Variants in GNL1 observed in about 807,000 individuals in gnomAD.
GNL1 encodes the protein G protein nucleolar 1.
In GNL1, 21 loss-of-function variants were observed where a neutral mutation model predicts 75.2. That is an observed-to-expected ratio of 0.28 (90% CI 0.20 to 0.40). GNL1 has a LOEUF of 0.40. GNL1 is among the 10% of genes least tolerant of loss of function. The pLI is 1.00. For missense variants in GNL1, 579 were observed against 775.0 expected, an observed-to-expected ratio of 0.75 and a Z score of 3.00; for synonymous variants, 287 against 303.4, an observed-to-expected ratio of 0.95 and a Z score of 0.56.
At position 30,547,261 on chromosome 6, in the gene GNL1, A is replaced by G. The variant is rs1438700831; in HGVS notation, c.1292T>C (p.Ile431Thr). The G allele has an allele frequency of 6.3e-7, 1 of 1,596,416 alleles. No individual in the cohort carries two copies. Among genetic ancestry groups the G allele is most frequent in the Non-Finnish European group, 8.5e-7 (1 of 1,171,312 alleles). The change falls in exon 10 of 12, where the codon ATC becomes ACC. Residue 431 changes from isoleucine (I) to threonine (T), a missense_variant. Ile to Thr is a moderately conservative substitution (Grantham distance 89). Transcript: ENST00000376621. The surrounding 1 kb of genome is among the most constrained non-coding windows in gnomAD (Gnocchi z 5.5). The stretch of plus-strand genomic sequence containing the variant: ...CTCCTGGATCTGGGCGATAGGGTAG[A>G]TCCCTGCCAGAACCTGAGGGAAATG... ...LPRQLQVLAGIYPIAQIQEPY... is the reference protein window; with the variant it reads ...LPRQLQVLAGTYPIAQIQEPY...
At chr6:30,553,671 T>G in intron 5 of GNL1, 114 bp from the exon 6 acceptor site, 1 of 712,914 alleles carries the variant, frequency 1.4e-6, no homozygotes, top group Non-Finnish European at 2.5e-6. Context: ...GGTAGCAGAC[T>G]CTGGGCTAAA....
chr6:30,553,211 A>G (rs764493803), intron 6 of GNL1, 32 bp from the exon 7 acceptor site: 3 of 1,536,126 alleles, frequency 2.0e-6, no homozygotes, highest in Non-Finnish European at 2.7e-6. Context: ...GGATGGGCAC[A>G]CGGGCTTAGG....
chr6:30,553,390 A>T lies in GNL1; in HGVS notation c.768T>A (p.Ser256=). ...YPQLHVVLFT[S]FPRDPRTPQD... The stretch of plus-strand genomic sequence containing the variant: ...GTGGGGTGCGGGGGTCCCGAGGAAA[A>T]GAGGTGAAAAGGACGACGTGGAGCT... Residue 256 remains serine, a synonymous_variant, in exon 6 of 12, where the codon TCT becomes TCA. Transcript: ENST00000376621. The T allele has an allele frequency of 1.2e-6, 2 of 1,612,618 alleles. No homozygotes were observed. The highest frequency in any genetic ancestry group is 1.7e-6 in the Non-Finnish European group (2 of 1,180,014).
Position 30,555,243 on chromosome 6 carries a change from CT to C in GNL1, c.240-53del, listed in dbSNP as rs781154391. The C allele has an allele frequency of 2.6e-5, 42 of 1,607,098 alleles. No homozygotes were observed. Among genetic ancestry groups the C allele is most frequent in the Non-Finnish European group, 3.6e-5 (42 of 1,175,166 alleles). On this transcript the variant is annotated intron_variant, in intron 2 of 11. Transcript: ENST00000376621. The surrounding 1 kb of genome is among the most constrained non-coding windows in gnomAD (Gnocchi z 4.3). ...AGAGCAATCCTGTGGCCACAAACTC[CT>C]ATTTTCTCCCCTCTTGTACAATCAA...
Position 30,544,699 on chromosome 6 carries a change from C to G in GNL1, c.*1373G>C, listed in dbSNP as rs1176057544. Reference sequence around the variant, plus strand: ...GAGACCAATGGAGATGAACCTAAAGCAATATGTGGCCAAACACCTTAGCCT... The same window carrying G: ...GAGACCAATGGAGATGAACCTAAAGGAATATGTGGCCAAACACCTTAGCCT... On this transcript the variant is annotated 3_prime_UTR_variant, in exon 12 of 12. Coordinates refer to ENST00000376621, the MANE Select transcript of GNL1 (RefSeq NM_005275.5). 1 of 152,208 alleles carries G rather than the reference C, an allele frequency of 6.6e-6. No individual in the cohort carries two copies. The highest frequency in any genetic ancestry group is 1.5e-5 in the Non-Finnish European group (1 of 68,038). 9.4% of individuals were successfully genotyped at this position (152,208 alleles called of 1,614,324 possible).
Position 30,547,457 on chromosome 6 carries a change from G to A in GNL1, c.1173C>T (p.Thr391=). Residue 391 remains threonine, a synonymous_variant, in exon 9 of 12, where the codon ACC becomes ACT. Transcript: ENST00000376621. The surrounding 1 kb of genome is among the most constrained non-coding windows in gnomAD (Gnocchi z 5.5). ...TCTGAAAGTATCGGGTATGGCCCGGGGTTCTGGAGACACTCACGACTTTCC... is the reference window on the plus strand; with the variant it reads ...TCTGAAAGTATCGGGTATGGCCCGGAGTTCTGGAGACACTCACGACTTTCC... ...VGRKVVSVSR[T]PGHTRYFQTY... is the part of the protein sequence containing the mutation. The A allele has an allele frequency of 6.2e-7, 1 of 1,613,954 alleles. No individual in the cohort carries two copies. The highest frequency in any genetic ancestry group is 2.2e-5 in the East Asian group (1 of 44,878).
At position 30,546,011 on chromosome 6, in the gene GNL1, T is replaced by C; in HGVS notation, c.*61A>G. On this transcript the variant is annotated 3_prime_UTR_variant, in exon 12 of 12. Coordinates refer to ENST00000376621, the MANE Select transcript of GNL1 (RefSeq NM_005275.5). This position sits in a 1 kb window ranked among gnomAD's most constrained non-coding sequence, Gnocchi z 5.1. ...CACAATTGGGGTGGCAGAGGGGAGA[T>C]ACCCCCAGGTCAGTCCAAAAGCAAA... The C allele has an allele frequency of 8.4e-7, 1 of 1,197,148 alleles. No individual in the cohort carries two copies. Among genetic ancestry groups the C allele is most frequent in the Non-Finnish European group, 1.2e-6 (1 of 829,530 alleles). The allele number at this position is 1,197,148 out of a possible 1,614,324, so 74.2% of individuals were successfully genotyped here. A position where few individuals can be genotyped will look rare whatever the true frequency, so the allele number is the denominator to read the frequency against.
At position 30,555,432 on chromosome 6, in the gene GNL1, G is replaced by T; in HGVS notation, c.239+123C>A. Reference sequence around the variant, plus strand: ...TGTGGCCCGCTGTGGGGAGCCGAGTGGCTAGCGGAGAACTGTGGCATCCCA... The same window carrying T: ...TGTGGCCCGCTGTGGGGAGCCGAGTTGCTAGCGGAGAACTGTGGCATCCCA... On this transcript the variant is annotated intron_variant, in intron 2 of 11. Transcript: ENST00000376621. This position sits in a 1 kb window ranked among gnomAD's most constrained non-coding sequence, Gnocchi z 4.3. 9.5e-7 allele frequency: 1 copy of T among 1,053,054 alleles called. No individual in the cohort carries two copies. The highest frequency in any genetic ancestry group is 1.4e-6 in the Non-Finnish European group (1 of 715,790). 65.2% of individuals were successfully genotyped at this position (1,053,054 alleles called of 1,614,324 possible). A position where few individuals can be genotyped will look rare whatever the true frequency, so the allele number is the denominator to read the frequency against.
In GNL1 at chr6:30,555,979, G is replaced by C. The variant is rs1300442691; in HGVS notation, c.73+152C>G. ...CCTTCCCCACCCCTTCCAGATGTAG[G>C]GGGGGTGGGGGATCCCCTCCGCGAT... On this transcript the variant is annotated intron_variant, in intron 1 of 11. Transcript: ENST00000376621. This position sits in a 1 kb window ranked among gnomAD's most constrained non-coding sequence, Gnocchi z 4.3. 1.2e-5 allele frequency: 12 copies of C among 974,676 alleles called. No individual in the cohort carries two copies. Among genetic ancestry groups the C allele is most frequent in the East Asian group, 5.2e-5 (2 of 38,574 alleles). The allele number at this position is 974,676 out of a possible 1,614,324, so 60.4% of individuals were successfully genotyped here. A position where few individuals can be genotyped will look rare whatever the true frequency, so the allele number is the denominator to read the frequency against.
rs1217515687 is a variant in GNL1 at position 30,546,145 on chromosome 6, G to T, written c.1751C>A (p.Thr584Asn). Residue 584 changes from threonine (T) to asparagine (N), a missense_variant, in exon 12 of 12, where the codon ACC (threonine) becomes AAC (asparagine). Transcript: ENST00000376621. This position sits in a 1 kb window ranked among gnomAD's most constrained non-coding sequence, Gnocchi z 5.1. The part of the protein sequence containing the change: ...ADEEGEGDEE[T>N]PTSAPGSSLA... ...GCTGGACCCTGGAGCCGAGGTTGGG[G>T]TCTCCTCATCCCCTTCTCCCTCCTC... 4 of 1,567,908 alleles carry T rather than the reference G, an allele frequency of 2.6e-6. No homozygotes were observed. The highest frequency in any genetic ancestry group is 3.5e-6 in the Non-Finnish European group (4 of 1,156,170).
Position 30,546,341 on chromosome 6 carries a change from GA to G in GNL1, c.1583-29del. On this transcript the variant is annotated intron_variant, in intron 11 of 11. Transcript: ENST00000376621. This position sits in a 1 kb window ranked among gnomAD's most constrained non-coding sequence, Gnocchi z 5.1. ...GGGGAACCAAAACAAGAAAAAAATG[GA>G]GGAGAGTTTTGAGCAAGAACTAAAG... 1 of 1,480,722 alleles carries G rather than the reference GA, an allele frequency of 6.8e-7. No homozygotes were observed. Among genetic ancestry groups the G allele is most frequent in the Non-Finnish European group, 9.3e-7 (1 of 1,074,222 alleles). The allele number at this position is 1,480,722 out of a possible 1,614,324, so 91.7% of individuals were successfully genotyped here.
rs1036595291 is a variant in GNL1, at chr6:30,555,168, T to A, written c.263A>T (p.Asp88Val). 17 of 1,612,832 alleles carry A rather than the reference T, an allele frequency of 1.1e-5. No individual in the cohort carries two copies. The highest frequency in any genetic ancestry group is 1.3e-5 in the Non-Finnish European group (15 of 1,179,998). ...TCTCCTCTCTACCTCCTCCCTGCTGTCTCTCTCAAAATGCAGTCGGTATCT... is the reference window on the plus strand; with the variant it reads ...TCTCCTCTCTACCTCCTCCCTGCTGACTCTCTCAAAATGCAGTCGGTATCT... Reference protein sequence around the residue: ...PNRYRLHFERDSREEVERRKR... With the variant: ...PNRYRLHFERVSREEVERRKR... The change falls in exon 3 of 12, where the codon GAC becomes GTC. Residue 88 changes from aspartate (D) to valine (V), a missense_variant. Physicochemically the swap from Asp to Val is radical, Grantham distance 152 (BLOSUM62 -3). Coordinates refer to ENST00000376621, the MANE Select transcript of GNL1 (RefSeq NM_005275.5). The surrounding 1 kb of genome is among the most constrained non-coding windows in gnomAD (Gnocchi z 4.3).
chr6:30,555,863 C>T lies in GNL1; in HGVS notation c.74-143G>A, dbSNP rs1489634934. ...CCAGACACCCTATTTGGGACCCTCC[C>T]GGATGTGCGTGGGGGGAGTCACTCC... is the stretch of plus-strand genomic sequence containing the variant. On this transcript the variant is annotated intron_variant, in intron 1 of 11. Transcript: ENST00000376621. The surrounding 1 kb of genome is among the most constrained non-coding windows in gnomAD (Gnocchi z 4.3). 3.2e-6 allele frequency: 3 copies of T among 949,352 alleles called. No individual in the cohort carries two copies. Among genetic ancestry groups the T allele is most frequent in the Non-Finnish European group, 4.7e-6 (3 of 636,170 alleles). The allele number at this position is 949,352 out of a possible 1,614,324, so 58.8% of individuals were successfully genotyped here. A position where few individuals can be genotyped will look rare whatever the true frequency, so the allele number is the denominator to read the frequency against.
chr6:30,556,161 G>GATT lies in GNL1; in HGVS notation c.42_43insAAT (p.Lys14_Gln15insAsn). 2 of 1,600,694 alleles carry GATT rather than the reference G, an allele frequency of 1.2e-6. No individual in the cohort carries two copies. The highest frequency in any genetic ancestry group is 1.7e-4 in the Middle Eastern group (1 of 6,040). On this transcript the variant is annotated inframe_insertion, in exon 1 of 12. Transcript: ENST00000376621. This position sits in a 1 kb window ranked among gnomAD's most constrained non-coding sequence, Gnocchi z 5.7. Reference sequence around the variant, plus strand: ...TTCCGCTCCCGTTTGTCCTGCAACTGCTTCTTCTTCTGCTTCACGCTGAAT... The same window carrying GATT: ...TTCCGCTCCCGTTTGTCCTGCAACTGATTCTTCTTCTTCTGCTTCACGCTGAAT...
intron 8 of GNL1, among the ~76,000 whole-genome samples, chr6:30,551,536 G>A (rs1379604812): frequency 2.6e-5 from 4 of 152,060 alleles, no homozygotes; most frequent in Non-Finnish European, 5.9e-5. Context: ...AAATGAAGAC[G>A]GGCCCTGGGT....
chr6:30,553,601 C>T, intron 5 of GNL1, 44 bp from the exon 6 acceptor site: 1 of 1,401,782 alleles, frequency 7.1e-7, no homozygotes, highest in Non-Finnish European at 1.0e-6. Flanking sequence ...AAAGTCAACC[C>T]AGAGTTCTCT....
chr6:30,554,819 T>G lies in GNL1; in HGVS notation c.473A>C (p.Lys158Thr). The G allele has an allele frequency of 1.2e-6, 2 of 1,612,654 alleles. No individual in the cohort carries two copies. Among genetic ancestry groups the G allele is most frequent in the East Asian group, 2.2e-5 (1 of 44,886 alleles). ...CTCAGAGGAGTAAGCCCCATGAATC[T>G]TCCCAAGATAGTCTTGGAAGCTCCG... is the stretch of plus-strand genomic sequence containing the variant. Reference protein sequence around the residue: ...EERSFQDYLGKIHGAYSSEKL... With the variant: ...EERSFQDYLGTIHGAYSSEKL... The change falls in exon 4 of 12, where the codon AAG becomes ACG. Residue 158 changes from lysine (K) to threonine (T), a missense_variant. Transcript: ENST00000376621.
rs1233173340 is a variant in GNL1 at position 30,546,071 on chromosome 6, C to G, written c.*1G>C. ...AGGGAAGATGGCGCTGGGCGAGGAA[C>G]TCAGCACTCATCCTCACCCAGCAGG... On this transcript the variant is annotated 3_prime_UTR_variant, in exon 12 of 12. Coordinates refer to ENST00000376621, the MANE Select transcript of GNL1 (RefSeq NM_005275.5). The surrounding 1 kb of genome is among the most constrained non-coding windows in gnomAD (Gnocchi z 5.1). 6.3e-7 allele frequency: 1 copy of G among 1,591,118 alleles called. No individual in the cohort carries two copies. Among genetic ancestry groups the G allele is most frequent in the Non-Finnish European group, 8.6e-7 (1 of 1,168,036 alleles).
chr6:30,556,342 G>C lies in GNL1; in HGVS notation c.-139C>G. ...GCAGGTGACGTCAGCGGGCGGGCCCGACAGAATTACCGCCGCGGCGGCGAT... is the reference window on the plus strand; with the variant it reads ...GCAGGTGACGTCAGCGGGCGGGCCCCACAGAATTACCGCCGCGGCGGCGAT... On this transcript the variant is annotated 5_prime_UTR_variant, in exon 1 of 12. Coordinates refer to ENST00000376621, the MANE Select transcript of GNL1 (RefSeq NM_005275.5). The surrounding 1 kb of genome is among the most constrained non-coding windows in gnomAD (Gnocchi z 5.7). 1 of 929,230 alleles carries C rather than the reference G, an allele frequency of 1.1e-6. No individual in the cohort carries two copies. Among genetic ancestry groups the C allele is most frequent in the South Asian group, 1.5e-5 (1 of 68,936 alleles). 57.6% of individuals were successfully genotyped at this position (929,230 alleles called of 1,614,324 possible).
Sources: allele counts gnomAD v4.1 joint callset (sites outside exome capture counted in the v4.1 genomes callset), GRCh38; gene constraint gnomAD v4.1.1; non-coding constraint Gnocchi (gnomAD v3.1); transcripts MANE v1.5; gene names NCBI Gene and HGNC (gene_info 2026-07-23, HGNC 2026-07-21).